ZNF835: variants seen among roughly 807,000 people sequenced by gnomAD.
ZNF835 encodes the protein zinc finger protein 835.
For missense variants in ZNF835, 783 were observed against 758.4 expected, an observed-to-expected ratio of 1.03 and a Z score of -0.38; for synonymous variants, 323 against 324.7, an observed-to-expected ratio of 0.99 and a Z score of 0.06.
chr19:56,663,775 T>C lies in ZNF835; in HGVS notation c.1424A>G (p.Glu475Gly). The C allele has an allele frequency of 6.2e-7, 1 of 1,613,886 alleles. No individual in the cohort carries two copies. Among genetic ancestry groups the C allele is most frequent in the Non-Finnish European group, 8.5e-7 (1 of 1,179,892 alleles). Reference sequence around the variant, plus strand: ...GAAGGCCTTCCCGCAGCCGCTGCACTCGTAGGGCTTCTCCCCGGTGTGCAC... The same window carrying C: ...GAAGGCCTTCCCGCAGCCGCTGCACCCGTAGGGCTTCTCCCCGGTGTGCAC... ...HIVHTGEKPY[E>G]CSGCGKAFSF... Residue 475 changes from glutamate to glycine, a missense_variant, in exon 2 of 2, where the codon GAG (glutamate) becomes GGG (glycine). Physicochemically the swap from Glu to Gly is moderately conservative, Grantham distance 98. Coordinates refer to ENST00000537055, the MANE Select transcript of ZNF835 (RefSeq NM_001005850.3).
rs543273456 is a variant in ZNF835 at position 56,663,807 on chromosome 19, G to A, written c.1392C>T (p.His464=). The part of the protein sequence containing the change: ...AFSNRSYLIQ[H]HIVHTGEKPY... ...GCTTCTCCCCGGTGTGCACGATGTG[G>A]TGCTGGATCAGGTAGGAGCGGTTGC... The change falls in exon 2 of 2, where the codon CAC becomes CAT. Residue 464 remains histidine, a synonymous_variant. Transcript: ENST00000537055. 4.0e-5 allele frequency: 65 copies of A among 1,614,016 alleles called. No individual in the cohort carries two copies. The highest frequency in any genetic ancestry group is 5.3e-5 in the Non-Finnish European group (62 of 1,180,028).
At position 56,663,696 on chromosome 19, in the gene ZNF835, T is replaced by C; in HGVS notation, c.1503A>G (p.Gly501=). 2 of 1,613,988 alleles carry C rather than the reference T, an allele frequency of 1.2e-6. No individual in the cohort carries two copies. The highest frequency in any genetic ancestry group is 2.2e-5 in the South Asian group (2 of 91,086). Residue 501 remains glycine (G), a synonymous_variant, in exon 2 of 2, where the codon GGA becomes GGG. Transcript: ENST00000537055. ...RHQRTHADSS[G]RLCPAPTPDS... Reference sequence around the variant, plus strand: ...CAGGCGTGGGAGCTGGGCAAAGGCGTCCCGAACTGTCTGCATGCGTCCTCT... The same window carrying C: ...CAGGCGTGGGAGCTGGGCAAAGGCGCCCCGAACTGTCTGCATGCGTCCTCT...
rs2045215353 is a variant in ZNF835, at chr19:56,664,115, A to AG, written c.1083_1084insC (p.Tyr362LeufsTer26). 4 of 1,599,482 alleles carry AG rather than the reference A, an allele frequency of 2.5e-6. No homozygotes were observed. The highest frequency in any genetic ancestry group is 3.4e-6 in the Non-Finnish European group (4 of 1,170,240). On this transcript the variant is annotated frameshift_variant, in exon 2 of 2. Transcript: ENST00000537055. LOFTEE classifies it low-confidence loss of function (END_TRUNC). ...CGCTTGCCGCAGTCGTGGCAGGGGT[A>AG]AGGCCGCTCTCCGGTGTGCGTGCGC...
chr19:56,661,988 T>A lies in ZNF835; in HGVS notation c.*1597A>T, dbSNP rs979860255. The A allele has an allele frequency of 1.3e-5, 2 of 152,182 alleles. No homozygotes were observed. Among genetic ancestry groups the A allele is most frequent in the Non-Finnish European group, 2.9e-5 (2 of 68,042 alleles). 9.4% of individuals were successfully genotyped at this position (152,182 alleles called of 1,614,324 possible). Reference sequence around the variant, plus strand: ...CAATGATTATAGTCATGTGAAGTTATGAGATTATAACTTTAATTCAACATT... The same window carrying A: ...CAATGATTATAGTCATGTGAAGTTAAGAGATTATAACTTTAATTCAACATT... On this transcript the variant is annotated 3_prime_UTR_variant, in exon 2 of 2. Coordinates refer to ENST00000537055, the MANE Select transcript of ZNF835 (RefSeq NM_001005850.3).
Position 56,663,693 on chromosome 19 carries a change from G to C in ZNF835, c.1506C>G (p.Arg502=). 1.2e-6 allele frequency: 2 copies of C among 1,614,026 alleles called. No individual in the cohort carries two copies. Among genetic ancestry groups the C allele is most frequent in the Non-Finnish European group, 1.7e-6 (2 of 1,179,902 alleles). Residue 502 remains arginine, a synonymous_variant, in exon 2 of 2, where the codon CGC becomes CGG. Coordinates refer to ENST00000537055, the MANE Select transcript of ZNF835 (RefSeq NM_001005850.3). ...HQRTHADSSG[R]LCPAPTPDST... The stretch of plus-strand genomic sequence containing the variant: ...AGTCAGGCGTGGGAGCTGGGCAAAG[G>C]CGTCCCGAACTGTCTGCATGCGTCC...
At position 56,664,285 on chromosome 19, in the gene ZNF835, G is replaced by A. The variant is rs1201313015; in HGVS notation, c.914C>T (p.Pro305Leu). 7 of 1,606,082 alleles carry A rather than the reference G, an allele frequency of 4.4e-6. No homozygotes were observed. Among genetic ancestry groups the A allele is most frequent in the Non-Finnish European group, 5.9e-6 (7 of 1,176,516 alleles). Residue 305 changes from proline (P) to leucine (L), a missense_variant, in exon 2 of 2, where the codon CCC (proline) becomes CTC (leucine). Physicochemically the swap from Pro to Leu is moderately conservative, Grantham distance 98. Coordinates refer to ENST00000537055, the MANE Select transcript of ZNF835 (RefSeq NM_001005850.3). ...CGCGCCGCAGTCCTGGCACGTGTAG[G>A]GCTTCTCGCCCGTGTGCACGCGCCG... ...QHRRVHTGEK[P>L]YTCQDCGALF... is the part of the protein sequence containing the mutation.
At position 56,664,410 on chromosome 19, in the gene ZNF835, T is replaced by C. The variant is rs2045221589; in HGVS notation, c.789A>G (p.Ser263=). The change falls in exon 2 of 2, where the codon TCA becomes TCG. Residue 263 remains serine (S), a synonymous_variant. Coordinates refer to ENST00000537055, the MANE Select transcript of ZNF835 (RefSeq NM_001005850.3). ...SACAKAFRFS[S]ALIRHQRIHT... ...GGATGCGCTGGTGGCGGATGAGCGC[T>C]GAGGAGAAGCGGAAGGCCTTGGCGC... 3 of 1,601,216 alleles carry C rather than the reference T, an allele frequency of 1.9e-6. No homozygotes were observed. Among genetic ancestry groups the C allele is most frequent in the Non-Finnish European group, 2.6e-6 (3 of 1,175,746 alleles).
At chr19:56,670,182 T>G (rs981687338) in intron 1 of ZNF835, among the ~76,000 whole-genome samples, 6 of 152,042 alleles carry the variant, frequency 3.9e-5, no homozygotes, top group East Asian at 3.9e-4. Flanking sequence ...CAGGTGTGGT[T>G]GCAGGGGGCT....
Position 56,664,250 on chromosome 19 carries a change from G to C in ZNF835, c.949C>G (p.Gln317Glu). The C allele has an allele frequency of 6.2e-7, 1 of 1,603,808 alleles. No individual in the cohort carries two copies. Among genetic ancestry groups the C allele is most frequent in the Admixed American group, 1.7e-5 (1 of 58,712 alleles). Residue 317 changes from glutamine to glutamate, a missense_variant, in exon 2 of 2, where the codon CAG becomes GAG. Transcript: ENST00000537055. ...TCQDCGALFS[Q>E]SASLAEHRRI... ...CGGTGCTCGGCCAGAGAGGCGCTCT[G>C]GCTGAAGAGCGCGCCGCAGTCCTGG...
intron 1 of ZNF835, among the ~76,000 whole-genome samples, chr19:56,665,925 GA>G (rs954996330): frequency 2.7e-5 from 4 of 150,460 alleles, no homozygotes. Context: ...CCCTGAAAAA[GA>G]AAAAAAAAGC....
rs1302431461 is a variant in ZNF835, at chr19:56,663,978, C to T, written c.1221G>A (p.Glu407=). 6.2e-7 allele frequency: 1 copy of T among 1,612,912 alleles called. No individual in the cohort carries two copies. The highest frequency in any genetic ancestry group is 1.1e-5 in the South Asian group (1 of 91,062). Residue 407 remains glutamate, a synonymous_variant, in exon 2 of 2, where the codon GAG becomes GAA. Coordinates refer to ENST00000537055, the MANE Select transcript of ZNF835 (RefSeq NM_001005850.3). ...GCTCTCCGGTGTGGATCTTCTGGTG[C>T]TCTATAAGCGAGGACACGTGGCTGA... ...AAFSHVSSLI[E]HQKIHTGERP...
rs73053215 is a variant in ZNF835 at position 56,662,505 on chromosome 19, C to T, written c.*1080G>A. The T allele has an allele frequency of 0.35, 53,407 of 152,038 alleles. 9,637 individuals carry two copies. Among genetic ancestry groups the T allele is most frequent in the East Asian group, 0.48 (2,501 of 5,180 alleles). The allele number at this position is 152,038 out of a possible 1,614,324, so 9.4% of individuals were successfully genotyped here. On this transcript the variant is annotated 3_prime_UTR_variant, in exon 2 of 2. Transcript: ENST00000537055. The stretch of plus-strand genomic sequence containing the variant: ...AAAAGACTAGGCCCACTCTAAAAAT[C>T]TTTTGTAGAGGAGAAGCACTCCCTT...
intron 1 of ZNF835, among the ~76,000 whole-genome samples, chr19:56,670,489 G>C (rs1171466849): frequency 2.0e-5 from 3 of 151,998 alleles, no homozygotes; most frequent in Non-Finnish European, 4.4e-5. Flanking sequence ...ATCACCTGCA[G>C]CCACACTCAC....
rs955581354 is a variant in ZNF835, at chr19:56,664,445, A to G, written c.754T>C (p.Cys252Arg). 6.2e-7 allele frequency: 1 copy of G among 1,611,956 alleles called. No homozygotes were observed. Among genetic ancestry groups the G allele is most frequent in the Non-Finnish European group, 8.5e-7 (1 of 1,179,234 alleles). Residue 252 changes from cysteine (C) to arginine (R), a missense_variant, in exon 2 of 2, where the codon TGC (cysteine) becomes CGC (arginine). By Grantham distance (180) the Cys-to-Arg change is radical (BLOSUM62 -3). Coordinates refer to ENST00000537055, the MANE Select transcript of ZNF835 (RefSeq NM_001005850.3). ...RIHTGEKPYE[C>R]SACAKAFRFS... Reference sequence around the variant, plus strand: ...CGGAAGGCCTTGGCGCACGCGGAGCACTCGTAGGGCTTCTCACCGGTGTGG... The same window carrying G: ...CGGAAGGCCTTGGCGCACGCGGAGCGCTCGTAGGGCTTCTCACCGGTGTGG...
At chr19:56,665,627 T>C (rs774271525) in intron 1 of ZNF835, among the ~76,000 whole-genome samples, 3 of 152,050 alleles carry the variant, frequency 2.0e-5, no homozygotes, top group Non-Finnish European at 4.4e-5. Flanking sequence ...CACAGCAAGA[T>C]CTCATTTCTA....
At chr19:56,670,190 G>T (rs1005671744) in intron 1 of ZNF835, among the ~76,000 whole-genome samples, 1 of 152,124 alleles carries the variant, frequency 6.6e-6, no homozygotes, top group Non-Finnish European at 1.5e-5. Context: ...GTTGCAGGGG[G>T]CTTATTAAGA....
chr19:56,664,906 C>T lies in ZNF835; in HGVS notation c.293G>A (p.Arg98His), dbSNP rs746101788. The T allele has an allele frequency of 4.3e-6, 7 of 1,613,914 alleles. No homozygotes were observed. The South Asian group carries it at 5.5e-5, about 13-fold the overall frequency. The change falls in exon 2 of 2, where the codon CGC becomes CAC. Residue 98 changes from arginine to histidine, a missense_variant. Transcript: ENST00000537055. ...GGGGCCTCCACCTCTCTCCCGCTGG[C>T]GGCTGTCAGGATGCCTCTCCTTCGG... ...ESPKERHPDS[R>H]QRERGGGPKK...
At chr19:56,670,186 G>A (rs1044588325) in intron 1 of ZNF835, among the ~76,000 whole-genome samples, 3 of 152,064 alleles carry the variant, frequency 2.0e-5, no homozygotes, top group African/African-American at 7.3e-5. Context: ...TGTGGTTGCA[G>A]GGGGCTTATT....
chr19:56,663,302 G>C lies in ZNF835; in HGVS notation c.*283C>G. ...CCACTGCACTCTAGCCTGGGTGACA[G>C]AGAGAGACACTGTCTCAAAGAAAAA... is the stretch of plus-strand genomic sequence containing the variant. On this transcript the variant is annotated 3_prime_UTR_variant, in exon 2 of 2. Coordinates refer to ENST00000537055, the MANE Select transcript of ZNF835 (RefSeq NM_001005850.3). The C allele has an allele frequency of 2.1e-6, 1 of 482,984 alleles. No homozygotes were observed. Among genetic ancestry groups the C allele is most frequent in the Non-Finnish European group, 3.7e-6 (1 of 268,894 alleles). 29.9% of individuals were successfully genotyped at this position (482,984 alleles called of 1,614,324 possible).
Sources: gnomAD v4.1 joint callset for allele counts (sites outside exome capture counted in the v4.1 genomes callset) on GRCh38, gnomAD v4.1.1 for gene constraint, MANE v1.5 for transcripts, NCBI Gene and HGNC (gene_info 2026-07-23, HGNC 2026-07-21) for gene names.